Variants in CORO1C observed in about 807,000 individuals in gnomAD.
CORO1C encodes coronin 1C, also known as coronin-1C.
Under a neutral mutation model 51.2 loss-of-function variants are expected in CORO1C, and 14 were observed. The observed-to-expected ratio is 0.27, with a 90% CI of 0.18 to 0.43. The LOEUF (loss-of-function observed/expected upper bound fraction) is 0.43. Ranked by LOEUF, CORO1C falls within the 20% of genes least tolerant of loss-of-function variation. The pLI is 1.00. For missense variants in CORO1C, 417 were observed against 607.8 expected (o/e 0.69, Z 3.30); for synonymous variants, 181 against 210.5 (o/e 0.86, Z 1.21).
chr12:108,729,152 T>C (rs2035658126), intron 1 of CORO1C, among the ~76,000 whole-genome samples: 1 of 152,194 alleles, frequency 6.6e-6, no homozygotes, highest in African/African-American at 2.4e-5. Flanking sequence ...TTCCATCTCA[T>C]AGTCGTTAGA....
intron 6 of CORO1C, among the ~76,000 whole-genome samples, chr12:108,655,959 C>G (rs147276847): frequency 6.6e-6 from 1 of 150,832 alleles, no homozygotes; most frequent in Non-Finnish European, 1.5e-5. Context: ...GGCCGCCCAT[C>G]GTCTGAGATG....
chr12:108,669,475 C>T (rs2033626725), intron 3 of CORO1C, among the ~76,000 whole-genome samples: 2 of 151,988 alleles, frequency 1.3e-5, no homozygotes, highest in South Asian at 4.2e-4. Flanking sequence ...ATTATCATAC[C>T]TCCATATTAT....
chr12:108,731,455 C>T lies in CORO1C; in HGVS notation c.-32G>A, dbSNP rs965224664. On this transcript the variant is annotated 5_prime_UTR_variant, in exon 1 of 11. Transcript: ENST00000261401. This position sits in a 1 kb window ranked among gnomAD's most constrained non-coding sequence, Gnocchi z 5.2. ...CGGGCCGAGGTGCCTGAGGCGCCGC[C>T]GCCGAAGTCCCCGCTGCAAAGCCGG... 1 of 152,738 alleles carries T rather than the reference C, an allele frequency of 6.5e-6. No individual in the cohort carries two copies. The highest frequency in any genetic ancestry group is 1.9e-4 in the East Asian group (1 of 5,182). 9.5% of individuals were successfully genotyped at this position (152,738 alleles called of 1,614,324 possible).
At chr12:108,695,487 C>T (rs997641434) in intron 2 of CORO1C, among the ~76,000 whole-genome samples, 6 of 152,120 alleles carry the variant, frequency 3.9e-5, no homozygotes, top group African/African-American at 1.2e-4. Flanking sequence ...CCATTCCCTC[C>T]GTTAAGTGAA....
Position 108,668,247 on chromosome 12 carries a change from G to A in CORO1C, c.319-6089C>T, listed in dbSNP as rs1425954575. ...ATCAGGGCATTCCCAAATGAACCATGACGTGCAGAGTGGCACCGAGTTCGG... is the reference window on the plus strand; with the variant it reads ...ATCAGGGCATTCCCAAATGAACCATAACGTGCAGAGTGGCACCGAGTTCGG... On this transcript the variant is annotated intron_variant, in intron 3 of 10. Coordinates refer to ENST00000261401, the MANE Select transcript of CORO1C (RefSeq NM_014325.4). Among the ~76,000 whole-genome samples, 3 of 152,230 alleles carry A rather than the reference G, an allele frequency of 2.0e-5. No homozygotes were observed. The South Asian group carries it at 6.2e-4, about 32-fold the overall frequency.
chr12:108,687,279 C>T (rs2034326758), intron 2 of CORO1C, among the ~76,000 whole-genome samples: 1 of 152,128 alleles, frequency 6.6e-6, no homozygotes, highest in Admixed American at 6.5e-5. Flanking sequence ...TTTAGGCACA[C>T]TAAATTCAAC....
At chr12:108,690,644 C>T (rs2034463091) in intron 2 of CORO1C, among the ~76,000 whole-genome samples, 1 of 152,328 alleles carries the variant, frequency 6.6e-6, no homozygotes. Context: ...ACCAGAGTAG[C>T]TGTATTTCCT....
At chr12:108,713,237 T>C (rs190047189) in intron 1 of CORO1C, among the ~76,000 whole-genome samples, 18 of 152,378 alleles carry the variant, frequency 1.2e-4, no homozygotes, top group Admixed American at 3.3e-4. Context: ...GAGATTTGTA[T>C]TCCACTGCTG....
chr12:108,704,455 T>C (rs2034969941), intron 1 of CORO1C, among the ~76,000 whole-genome samples: 1 of 149,206 alleles, frequency 6.7e-6, no homozygotes, highest in Non-Finnish European at 1.5e-5. Context: ...CTGGGCGACA[T>C]AGCAAGATTC....
chr12:108,660,214 G>A (rs1408952520), intron 4 of CORO1C, among the ~76,000 whole-genome samples: 1 of 152,226 alleles, frequency 6.6e-6, no homozygotes, highest in African/African-American at 2.4e-5. Context: ...CACCCTGGGA[G>A]GCCGAGGCGG....
chr12:108,716,657 T>C (rs2035343910), intron 1 of CORO1C, among the ~76,000 whole-genome samples: 2 of 152,238 alleles, frequency 1.3e-5, no homozygotes, highest in African/African-American at 4.8e-5. Context: ...TCTGGTTGTT[T>C]GTTTCTTCAT....
intron 2 of CORO1C, among the ~76,000 whole-genome samples, chr12:108,698,486 C>A (rs2034762346): frequency 6.6e-6 from 1 of 152,258 alleles, no homozygotes; most frequent in South Asian, 2.1e-4. Flanking sequence ...CAGCTCACTG[C>A]AACTCCGCCT....
chr12:108,662,603 T>TC (rs1346304513), intron 3 of CORO1C, among the ~76,000 whole-genome samples: 3 of 152,178 alleles, frequency 2.0e-5, no homozygotes, highest in African/African-American at 7.2e-5. Context: ...TTCAAAACTC[T>TC]CCAGTTAGAA....
chr12:108,697,948 A>T (rs2034741187), intron 2 of CORO1C, among the ~76,000 whole-genome samples: 1 of 152,262 alleles, frequency 6.6e-6, no homozygotes, highest in East Asian at 1.9e-4. Flanking sequence ...TCAAGAAGGC[A>T]GTCAGCCCCA....
chr12:108,720,089 G>C (rs1475090518), intron 1 of CORO1C, among the ~76,000 whole-genome samples: 1 of 152,168 alleles, frequency 6.6e-6, no homozygotes, highest in Non-Finnish European at 1.5e-5. Flanking sequence ...GAGAGGCTGA[G>C]GTGGGAGGAT....
intron 1 of CORO1C, among the ~76,000 whole-genome samples, chr12:108,726,101 G>T (rs978028152): frequency 1.3e-5 from 2 of 152,098 alleles, no homozygotes; most frequent in Non-Finnish European, 2.9e-5. Flanking sequence ...CCAAAGTGCT[G>T]GGATTACAGG....
chr12:108,652,834 C>T lies in CORO1C; in HGVS notation c.856-417G>A, dbSNP rs561527065. On this transcript the variant is annotated intron_variant, in intron 7 of 10. Coordinates refer to ENST00000261401, the MANE Select transcript of CORO1C (RefSeq NM_014325.4). The stretch of plus-strand genomic sequence containing the variant: ...TTTAAGTATTCATTTACTGGCATAA[C>T]GCAATGCTGTTATGCCAGTATGATG... Among the ~76,000 whole-genome samples the T allele has an allele frequency of 1.3e-4, 19 of 151,242 alleles. No individual in the cohort carries two copies. In the South Asian group the frequency reaches 2.3e-3, roughly 19 times the overall value.
intron 1 of CORO1C, among the ~76,000 whole-genome samples, chr12:108,715,755 T>C (rs1409463078): frequency 1.3e-5 from 2 of 151,208 alleles, no homozygotes; most frequent in Non-Finnish European, 2.9e-5. Flanking sequence ...AGAACACAAC[T>C]CAAAGAGCCA....
At chr12:108,728,581 C>T (rs573765328) in intron 1 of CORO1C, among the ~76,000 whole-genome samples, 14 of 152,172 alleles carry the variant, frequency 9.2e-5, no homozygotes, top group African/African-American at 2.6e-4. Flanking sequence ...ACACTTTAAA[C>T]GGGTGAACTG....
Sources: gnomAD v4.1 joint callset for allele counts (sites outside exome capture counted in the v4.1 genomes callset) on GRCh38, gnomAD v4.1.1 for gene constraint, Gnocchi (gnomAD v3.1) non-coding constraint, MANE v1.5 for transcripts, NCBI Gene and HGNC (gene_info 2026-07-23, HGNC 2026-07-21) for gene names.